KANK1: variants seen among roughly 807,000 people sequenced by gnomAD.
KANK1 encodes the protein KN motif and ankyrin repeat domain-containing protein 1.
A neutral mutation model predicts 106.2 loss-of-function variants in KANK1; 109 were observed. The observed-to-expected ratio is 1.03, with a 90% CI of 0.88 to 1.20. The LOEUF (loss-of-function observed/expected upper bound fraction) is 1.20, where lower values mean the gene tolerates loss of function less well. Among genes scored for constraint, KANK1 ranks in the 50% most tolerant of loss-of-function variants. The pLI, the probability that KANK1 is intolerant of heterozygous loss-of-function variation, is 0.00. For synonymous variants in KANK1, 873 were observed against 652.2 expected, an observed-to-expected ratio of 1.34 and a Z score of -5.16; for missense variants, 2,399 against 1,710.7, an observed-to-expected ratio of 1.40 and a Z score of -7.10.
chr9:618,414 G>A (rs1399745861), intron 1 of KANK1, among the ~76,000 whole-genome samples: 1 of 152,002 alleles, frequency 6.6e-6, no homozygotes, highest in Non-Finnish European at 1.5e-5. Flanking sequence ...CACCATATCG[G>A]CCAGGCTGGT....
chr9:742,510 C>T, intron 10 of KANK1, 105 bp downstream of exon 10: 1 of 818,458 alleles, frequency 1.2e-6, no homozygotes, highest in Non-Finnish European at 1.9e-6. Context: ...CCTCTATTCT[C>T]CTCTGGGATT....
intron 1 of KANK1, among the ~76,000 whole-genome samples, chr9:505,377 C>T (rs988731267): frequency 1.3e-5 from 2 of 152,058 alleles, no homozygotes; most frequent in Non-Finnish European, 1.5e-5. Flanking sequence ...GGCGCTGCGG[C>T]CTCTGGGGCG....
intron 2 of KANK1, chr9:470,711 A>C (rs1439024048): frequency 6.6e-6 from 1 of 152,096 alleles, no homozygotes. Flanking sequence ...CCTCCATTAC[A>C]CCTGTGCTCC....
chr9:481,284 A>G (rs1034003708), intron 3 of KANK1, among the ~76,000 whole-genome samples: 2 of 140,456 alleles, frequency 1.4e-5, no homozygotes, highest in African/African-American at 5.4e-5. Context: ...GTATTTAAAA[A>G]CAAAACAAAA....
chr9:574,629 G>A (rs888220040), intron 1 of KANK1, among the ~76,000 whole-genome samples: 1 of 152,018 alleles, frequency 6.6e-6, no homozygotes, highest in Admixed American at 6.5e-5. Flanking sequence ...GGCTGAGGCG[G>A]GTGGATCCTG....
At chr9:578,007 G>C (rs1448710876) in intron 1 of KANK1, among the ~76,000 whole-genome samples, 1 of 152,036 alleles carries the variant, frequency 6.6e-6, no homozygotes, top group Non-Finnish European at 1.5e-5. Flanking sequence ...CAGCTAGGAG[G>C]CCTCCTTTCA....
intron 3 of KANK1, among the ~76,000 whole-genome samples, chr9:480,535 T>C (rs1385750487): frequency 2.0e-5 from 3 of 152,226 alleles, no homozygotes; most frequent in Non-Finnish European, 2.9e-5. Flanking sequence ...GATGGAATAC[T>C]TAAGAATGGG....
intron 1 of KANK1, among the ~76,000 whole-genome samples, chr9:604,811 C>T (rs1454970460): frequency 6.6e-6 from 1 of 151,838 alleles, no homozygotes; most frequent in Non-Finnish European, 1.5e-5. Context: ...GCCTGTGTAA[C>T]AGAGTGAGAC....
At chr9:502,502 G>C (rs1338446112), upstream of KANK1, among the ~76,000 whole-genome samples, 1 of 151,554 alleles carries the variant, frequency 6.6e-6, no homozygotes, top group Non-Finnish European at 1.5e-5. Context: ...AGAGGTGAAG[G>C]CTGGGAATTC....
intron 7 of KANK1, chr9:735,919 C>CG (rs1318165620): frequency 4.2e-6 from 1 of 238,736 alleles, no homozygotes; most frequent in East Asian, 9.3e-5. Context: ...TGCTTGCACC[C>CG]GGGAGGTGGT....
At chr9:543,154 T>C (rs2060709971) in intron 1 of KANK1, among the ~76,000 whole-genome samples, 1 of 152,200 alleles carries the variant, frequency 6.6e-6, no homozygotes, top group Non-Finnish European at 1.5e-5. Flanking sequence ...ATTATAACCT[T>C]AATAAAAGTG....
chr9:660,506 C>G (rs1174493485), intron 1 of KANK1, among the ~76,000 whole-genome samples: 2 of 152,160 alleles, frequency 1.3e-5, no homozygotes, highest in South Asian at 2.1e-4. Flanking sequence ...GCCATGCTGT[C>G]TAGTCTTGAA....
intron 3 of KANK1, among the ~76,000 whole-genome samples, chr9:496,846 G>C (rs1285899988): frequency 6.6e-6 from 1 of 152,040 alleles, no homozygotes; most frequent in Non-Finnish European, 1.5e-5. Flanking sequence ...GGATCTGCAG[G>C]GACAGGTTTG....
chr9:671,082 G>A (rs939517405), intron 1 of KANK1, among the ~76,000 whole-genome samples: 3 of 151,650 alleles, frequency 2.0e-5, no homozygotes, highest in African/African-American at 7.3e-5. Context: ...ATTCTGTGGG[G>A]AGAAGTGAAG....
At chr9:721,523 C>T (rs7038561) in intron 3 of KANK1, among the ~76,000 whole-genome samples, 99,892 of 152,048 alleles carry the variant, frequency 0.66, 33,269 homozygotes, top group African/African-American at 0.72. Flanking sequence ...AAATTGGTCC[C>T]ACTATGATTG....
chr9:576,704 C>T (rs982207938), intron 1 of KANK1, among the ~76,000 whole-genome samples: 6 of 151,862 alleles, frequency 4.0e-5, no homozygotes, highest in Non-Finnish European at 7.4e-5. Context: ...CTTGGTGCTT[C>T]TTCCTGGAAC....
At chr9:707,230 C>G (rs1297802134) in intron 2 of KANK1, 3 of 985,952 alleles carry the variant, frequency 3.0e-6, no homozygotes, top group East Asian at 2.3e-4. Flanking sequence ...TGGCGGGGAG[C>G]GCGGCGGGCG....
At chr9:553,536 C>T (rs2061401845) in intron 1 of KANK1, among the ~76,000 whole-genome samples, 1 of 152,156 alleles carries the variant, frequency 6.6e-6, no homozygotes, top group African/African-American at 2.4e-5. Context: ...CCCTGTAGTT[C>T]TGGTTCATTT....
At chr9:582,894 C>T (rs1288722789) in intron 1 of KANK1, among the ~76,000 whole-genome samples, 1 of 152,200 alleles carries the variant, frequency 6.6e-6, no homozygotes, top group African/African-American at 2.4e-5. Flanking sequence ...CGGTGAAGAA[C>T]CTTTAATGTA....
Sources: gnomAD v4.1 joint callset for allele counts (sites outside exome capture counted in the v4.1 genomes callset) on GRCh38, gnomAD v4.1.1 for gene constraint, MANE v1.5 for transcripts, NCBI Gene and HGNC (gene_info 2026-07-23, HGNC 2026-07-21) for gene names.